Variants in SUGP1 observed in about 807,000 individuals in gnomAD.
SUGP1 encodes SURP and G-patch domain containing 1.
A neutral mutation model predicts 76.5 loss-of-function variants in SUGP1; 34 were observed. The observed-to-expected ratio is 0.44, with a 90% CI of 0.34 to 0.59. The LOEUF (loss-of-function observed/expected upper bound fraction) is 0.59. SUGP1 is among the 20% of genes least tolerant of loss of function. SUGP1 has a pLI of 0.01. For missense variants in SUGP1, 752 were observed against 851.7 expected (o/e 0.88, Z 1.46); for synonymous variants, 326 against 326.2 (o/e 1.00, Z 0.01).
chr19:19,313,020 A>T (rs982498390), intron 2 of SUGP1, among the ~76,000 whole-genome samples: 5 of 151,696 alleles, frequency 3.3e-5, no homozygotes, highest in African/African-American at 1.2e-4. Flanking sequence ...AAATAAATAA[A>T]TAAAAAAAAA....
rs2061104434 is a variant in SUGP1 at position 19,282,235 on chromosome 19, C to A, written c.1244-1944G>T. Reference sequence around the variant, plus strand: ...CCTCAGGCGATCTGCCCACCTTGGCCTCCCAAAGTGCTGGGATTACAGGCG... The same window carrying A: ...CCTCAGGCGATCTGCCCACCTTGGCATCCCAAAGTGCTGGGATTACAGGCG... On this transcript the variant is annotated intron_variant, in intron 8 of 13. Coordinates refer to ENST00000247001, the MANE Select transcript of SUGP1 (RefSeq NM_172231.4). Among the ~76,000 whole-genome samples the A allele has an allele frequency of 2.6e-5, 4 of 152,150 alleles. No homozygotes were observed. The South Asian group carries it at 8.3e-4, about 32-fold the overall frequency.
At chr19:19,304,993 C>T (rs1359383180) in intron 4 of SUGP1, among the ~76,000 whole-genome samples, 1 of 152,112 alleles carries the variant, frequency 6.6e-6, no homozygotes, top group Non-Finnish European at 1.5e-5. Flanking sequence ...CTTCAAGGGC[C>T]CCGAGATGGC....
At position 19,282,442 on chromosome 19, in the gene SUGP1, TA is replaced by T. The variant is rs537092970; in HGVS notation, c.1244-2152del. On this transcript the variant is annotated intron_variant, in intron 8 of 13. Coordinates refer to ENST00000247001, the MANE Select transcript of SUGP1 (RefSeq NM_172231.4). ...AGTAAGACCCCATCTCTATTTATGTTAAAAAAAAAAAAAAAGAGACTCAATT... is the reference window on the plus strand; with the variant it reads ...AGTAAGACCCCATCTCTATTTATGTTAAAAAAAAAAAAAAGAGACTCAATT... Among the ~76,000 whole-genome samples the T allele has an allele frequency of 4.5e-3, 624 of 137,290 alleles. 1 individual carries two copies. The highest frequency in any genetic ancestry group is 4.5e-3 in the African/African-American group (167 of 37,478). The allele number at this position is 137,290 out of a possible 152,430, so 90.1% of individuals were successfully genotyped here. A position where few individuals can be genotyped will look rare whatever the true frequency, so the allele number is the denominator to read the frequency against.
At position 19,280,261 on chromosome 19, in the gene SUGP1, T is replaced by A; in HGVS notation, c.1274A>T (p.Lys425Met). 6.2e-7 allele frequency: 1 copy of A among 1,613,978 alleles called. No individual in the cohort carries two copies. Among genetic ancestry groups the A allele is most frequent in the Non-Finnish European group, 8.5e-7 (1 of 1,179,968 alleles). ...VQDLKGLGYE[K>M]GKPVGLVGVT... ...GCCCACTAGACCCACAGGCTTCCCCTTCTCATAGCCGAGCCCCTTGAGGTC... is the reference window on the plus strand; with the variant it reads ...GCCCACTAGACCCACAGGCTTCCCCATCTCATAGCCGAGCCCCTTGAGGTC... Residue 425 changes from lysine (K) to methionine (M), a missense_variant, in exon 9 of 14, where the codon AAG (lysine) becomes ATG (methionine). Lys to Met is a moderately conservative substitution (Grantham distance 95). Transcript: ENST00000247001.
At chr19:19,281,710 A>G (rs2061100338) in intron 8 of SUGP1, among the ~76,000 whole-genome samples, 1 of 152,212 alleles carries the variant, frequency 6.6e-6, no homozygotes, top group South Asian at 2.1e-4. Flanking sequence ...AGGTGGAGTG[A>G]GGGGGTGATG....
At chr19:19,291,356 T>A (rs1264331459) in intron 8 of SUGP1, among the ~76,000 whole-genome samples, 1 of 151,674 alleles carries the variant, frequency 6.6e-6, no homozygotes, top group African/African-American at 2.4e-5. Flanking sequence ...TTAGTTAAAC[T>A]AAGAAAAAAA....
chr19:19,305,437 CAG>C (rs2061308736), intron 4 of SUGP1, among the ~76,000 whole-genome samples: 1 of 152,212 alleles, frequency 6.6e-6, no homozygotes. Flanking sequence ...GGCCTAAACT[CAG>C]GGGACAGGTA....
intron 3 of SUGP1, among the ~76,000 whole-genome samples, chr19:19,309,406 C>A (rs2061338375): frequency 6.6e-6 from 1 of 152,128 alleles, no homozygotes; most frequent in Admixed American, 6.5e-5. Context: ...TTTGCTTGAG[C>A]CCCGGAGGTT....
chr19:19,294,917 T>C lies in SUGP1; in HGVS notation c.1243+2072A>G, dbSNP rs76564050. Among the ~76,000 whole-genome samples, 292 of 152,150 alleles carry C rather than the reference T, an allele frequency of 1.9e-3. 10 individuals carry two copies. The East Asian group carries it at 0.048, about 25-fold the overall frequency. ...ACAACCCATAGAATGAGAGAAAGTA[T>C]TTGCAAATCACATAGCTGACGAGGG... On this transcript the variant is annotated intron_variant, in intron 8 of 13. Coordinates refer to ENST00000247001, the MANE Select transcript of SUGP1 (RefSeq NM_172231.4).
intron 3 of SUGP1, 117 bp downstream of exon 3, chr19:19,309,977 GGGC>G: frequency 1.5e-6 from 1 of 679,468 alleles, no homozygotes; most frequent in East Asian, 2.7e-5. Context: ...GGTGGAATGA[GGGC>G]GATCTATGAT....
chr19:19,316,334 T>G, intron 2 of SUGP1, 88 bp downstream of exon 2: 1 of 1,515,494 alleles, frequency 6.6e-7, no homozygotes. Context: ...TGCAAGCACA[T>G]GCTGACTGCC....
At chr19:19,289,196 A>AGTATTTAT (rs1308758695) in intron 8 of SUGP1, among the ~76,000 whole-genome samples, 1 of 152,210 alleles carries the variant, frequency 6.6e-6, no homozygotes, top group Non-Finnish European at 1.5e-5. Context: ...TAACACAGTA[A>AGTATTTAT]GTATTTATGT....
At chr19:19,291,899 A>T (rs1409154484) in intron 8 of SUGP1, among the ~76,000 whole-genome samples, 5 of 107,018 alleles carry the variant, frequency 4.7e-5, no homozygotes, top group East Asian at 2.0e-4. Flanking sequence ...TCACACACAC[A>T]CACACACACA....
At chr19:19,313,871 C>G (rs1868379702) in intron 2 of SUGP1, among the ~76,000 whole-genome samples, 1 of 152,010 alleles carries the variant, frequency 6.6e-6, no homozygotes, top group African/African-American at 2.4e-5. Flanking sequence ...GGCTCAGAGA[C>G]TTATGCCTGT....
At chr19:19,288,272 T>G (rs1473798390) in intron 8 of SUGP1, among the ~76,000 whole-genome samples, 1 of 152,156 alleles carries the variant, frequency 6.6e-6, no homozygotes, top group Non-Finnish European at 1.5e-5. Flanking sequence ...CTCGTGTTCC[T>G]CCTGCCTCTC....
In SUGP1 at chr19:19,297,950, C is replaced by T. The variant is rs909136679; in HGVS notation, c.888-606G>A. 5.3e-5 allele frequency among the ~76,000 whole-genome samples: 8 copies of T among 152,342 alleles called. 1 individual carries two copies. The highest frequency in any genetic ancestry group is 6.5e-5 in the Admixed American group (1 of 15,298). ...GGTTCAGAGCCATGTTCCGCACCTACTGGCGCCTCTCGGACCGTACACATC... is the reference window on the plus strand; with the variant it reads ...GGTTCAGAGCCATGTTCCGCACCTATTGGCGCCTCTCGGACCGTACACATC... On this transcript the variant is annotated intron_variant, in intron 7 of 13. Transcript: ENST00000247001.
At chr19:19,297,443 C>T (rs2061236770) in intron 7 of SUGP1, 99 bp from the exon 8 acceptor site, 6 of 932,586 alleles carry the variant, frequency 6.4e-6, no homozygotes, top group Middle Eastern at 2.3e-4. Flanking sequence ...CCACGTTGGC[C>T]AGGGTCACTA....
Position 19,316,599 on chromosome 19 carries a change from G to T in SUGP1, c.35-6C>A. 1 of 1,613,568 alleles carries T rather than the reference G, an allele frequency of 6.2e-7. No individual in the cohort carries two copies. The highest frequency in any genetic ancestry group is 8.5e-7 in the Non-Finnish European group (1 of 1,179,618). On this transcript the variant is annotated splice_region_variant and splice_polypyrimidine_tract_variant and intron_variant, in intron 1 of 13. Transcript: ENST00000247001. ...AAACCACCGGTTAGCCTTTCCTGGG[G>T]AGGGAAAAGGAGTACGTCGGAAATC...
At chr19:19,296,462 C>CAGTAAAA (rs1344028721) in intron 8 of SUGP1, among the ~76,000 whole-genome samples, 1 of 151,944 alleles carries the variant, frequency 6.6e-6, no homozygotes, top group Non-Finnish European at 1.5e-5. Flanking sequence ...CTGGCTAACA[C>CAGTAAAA]AGTAAAACCC....
Sources: allele counts gnomAD v4.1 joint callset (sites outside exome capture counted in the v4.1 genomes callset), GRCh38; gene constraint gnomAD v4.1.1; transcripts MANE v1.5; gene names NCBI Gene and HGNC (gene_info 2026-07-23, HGNC 2026-07-21).